TNR: variants seen among roughly 807,000 people sequenced by gnomAD.
The protein encoded by TNR is tenascin R.
Under a neutral mutation model 150.4 loss-of-function variants are expected in TNR, and 45 were observed. That is an observed-to-expected ratio of 0.30 (90% CI 0.24 to 0.38). The LOEUF (loss-of-function observed/expected upper bound fraction) is 0.38, where lower values mean the gene tolerates loss of function less well. Among genes scored for constraint, TNR ranks in the 10% least tolerant of loss-of-function variants. The pLI is 1.00. For missense variants in TNR, 1,544 were observed against 1,759.1 expected (o/e 0.88, Z 2.19); for synonymous variants, 687 against 678.4 (o/e 1.01, Z -0.20).
chr1:175,507,684 A>G (rs1659016795), intron 2 of TNR, among the ~76,000 whole-genome samples: 4 of 152,126 alleles, frequency 2.6e-5, no homozygotes, highest in African/African-American at 4.8e-5. Flanking sequence ...GAACTCCTAC[A>G]TATCCTTCAA....
chr1:175,363,813 T>C lies in TNR; in HGVS notation c.2602A>G (p.Lys868Glu). Residue 868 changes from lysine (K) to glutamate (E), a missense_variant, in exon 13 of 23, where the codon AAA becomes GAA. Lys to Glu is a moderately conservative substitution (Grantham distance 56). Around this residue, in one of 2 missense-constraint regions of TNR, gnomAD observed 1,254 missense variants for 1,329.4 expected, o/e 0.94. Coordinates refer to ENST00000367674, the MANE Select transcript of TNR (RefSeq NM_003285.3). The part of the protein sequence containing the change: ...GSITTGIDPP[K>E]DITISNVTKD... ...GTCACATTGCTAATTGTGATGTCTT[T>C]TGGGGGATCAATTCCTACAAGGACC... is the stretch of plus-strand genomic sequence containing the variant. The C allele has an allele frequency of 6.2e-7, 1 of 1,612,756 alleles. No homozygotes were observed. The highest frequency in any genetic ancestry group is 8.5e-7 in the Non-Finnish European group (1 of 1,179,340).
chr1:175,460,745 T>A (rs945748441), intron 2 of TNR, among the ~76,000 whole-genome samples: 6 of 152,182 alleles, frequency 3.9e-5, no homozygotes, highest in African/African-American at 1.4e-4. Flanking sequence ...ACTCTAAATA[T>A]GCTGCAGTTA....
At chr1:175,365,337 TA>T in intron 11 of TNR, 58 bp from the exon 12 acceptor site, 1 of 1,525,922 alleles carries the variant, frequency 6.6e-7, no homozygotes, top group South Asian at 1.3e-5. Context: ...GTCACTGGGC[TA>T]GAAGAACTTC....
chr1:175,742,536 A>G (rs1667959866), intron 1 of TNR, among the ~76,000 whole-genome samples: 1 of 152,158 alleles, frequency 6.6e-6, no homozygotes, highest in South Asian at 2.1e-4. Context: ...TCAAGACACT[A>G]GCACTTTCCT....
chr1:175,702,541 T>A (rs909794103), intron 1 of TNR, among the ~76,000 whole-genome samples: 1 of 152,342 alleles, frequency 6.6e-6, no homozygotes, highest in Middle Eastern at 3.4e-3. Flanking sequence ...GGGTTGGCAA[T>A]GTCTGGTTAT....
intron 1 of TNR, among the ~76,000 whole-genome samples, chr1:175,633,233 T>A (rs1004268835): frequency 2.0e-5 from 3 of 152,166 alleles, no homozygotes; most frequent in Non-Finnish European, 2.9e-5. Context: ...TATTCATACT[T>A]TAGTGTCTTT....
At chr1:175,510,578 A>T (rs1659127791) in intron 2 of TNR, among the ~76,000 whole-genome samples, 1 of 152,208 alleles carries the variant, frequency 6.6e-6, no homozygotes, top group Non-Finnish European at 1.5e-5. Flanking sequence ...TAATAACCAT[A>T]GTCAAATAAT....
chr1:175,667,740 C>T (rs139522686), intron 1 of TNR, among the ~76,000 whole-genome samples: 1 of 152,224 alleles, frequency 6.6e-6, no homozygotes, highest in Non-Finnish European at 1.5e-5. Context: ...CCCTGATTCC[C>T]TTACCTGATT....
intron 2 of TNR, among the ~76,000 whole-genome samples, chr1:175,431,635 C>CTT (rs35340891): frequency 0.042 from 6,025 of 143,070 alleles, 418 homozygotes; most frequent in African/African-American, 0.14. Flanking sequence ...CTGACAATAA[C>CTT]TTTTTTTTTT....
At chr1:175,636,580 C>A (rs530721306) in intron 1 of TNR, among the ~76,000 whole-genome samples, 1 of 152,198 alleles carries the variant, frequency 6.6e-6, no homozygotes, top group Non-Finnish European at 1.5e-5. Context: ...AATTTAAGGG[C>A]TATGACCAGT....
intron 1 of TNR, among the ~76,000 whole-genome samples, chr1:175,628,228 T>C (rs1407509824): frequency 1.3e-5 from 2 of 152,192 alleles, no homozygotes; most frequent in Non-Finnish European, 2.9e-5. Flanking sequence ...GGTTTATCTT[T>C]CTCCCCAGGG....
At chr1:175,719,683 C>A (rs1667248551) in intron 1 of TNR, among the ~76,000 whole-genome samples, 1 of 152,172 alleles carries the variant, frequency 6.6e-6, no homozygotes. Flanking sequence ...GATAGCCAAG[C>A]CCAAGTGTCC....
intron 1 of TNR, among the ~76,000 whole-genome samples, chr1:175,664,050 A>T (rs1305029907): frequency 6.6e-6 from 1 of 152,232 alleles, no homozygotes; most frequent in East Asian, 1.9e-4. Context: ...ACCTCACTGC[A>T]GGGAGGCCAG....
At chr1:175,556,005 AC>A (rs1444950342) in intron 1 of TNR, among the ~76,000 whole-genome samples, 1 of 152,254 alleles carries the variant, frequency 6.6e-6, no homozygotes, top group African/African-American at 2.4e-5. Flanking sequence ...ACCCCTGGAT[AC>A]TTATATAGAA....
At chr1:175,682,897 C>A (rs530556310) in intron 1 of TNR, among the ~76,000 whole-genome samples, 1 of 152,308 alleles carries the variant, frequency 6.6e-6, no homozygotes, top group African/African-American at 2.4e-5. Context: ...TAAGATCTTA[C>A]TCCTGCAGAA....
At chr1:175,477,344 T>A (rs975261177) in intron 2 of TNR, among the ~76,000 whole-genome samples, 2 of 152,112 alleles carry the variant, frequency 1.3e-5, no homozygotes, top group African/African-American at 4.8e-5. Flanking sequence ...GCTGATGAAA[T>A]TTTCTGGGTT....
At chr1:175,725,036 C>T (rs1054037424) in intron 1 of TNR, among the ~76,000 whole-genome samples, 1 of 152,170 alleles carries the variant, frequency 6.6e-6, no homozygotes, top group South Asian at 2.1e-4. Context: ...TCGTTAAGAA[C>T]TTTTGCCTGT....
intron 1 of TNR, among the ~76,000 whole-genome samples, chr1:175,700,245 A>T (rs1332227172): frequency 6.6e-6 from 1 of 151,908 alleles, no homozygotes; most frequent in Non-Finnish European, 1.5e-5. Context: ...TCCCTGACAC[A>T]TCCAGTCATG....
At chr1:175,636,519 C>A (rs1210560580) in intron 1 of TNR, among the ~76,000 whole-genome samples, 3 of 152,154 alleles carry the variant, frequency 2.0e-5, no homozygotes, top group African/African-American at 4.8e-5. Context: ...ATTGCCAATT[C>A]TCTTGCTTTT....
Sources: gnomAD v4.1 joint callset for allele counts (sites outside exome capture counted in the v4.1 genomes callset) on GRCh38, gnomAD v4.1.1 for gene constraint, gnomAD v4.1.1 regional missense constraint, MANE v1.5 for transcripts, NCBI Gene and HGNC (gene_info 2026-07-23, HGNC 2026-07-21) for gene names.